FOXI2: variants seen among roughly 807,000 people sequenced by gnomAD.
The protein encoded by FOXI2 is forkhead box I2.
FOXI2 carries 17 observed loss-of-function variants against 14.3 expected under a neutral mutation model. That is an observed-to-expected ratio of 1.19 (90% confidence interval 0.81 to 1.78). FOXI2 has a LOEUF of 1.78. Among genes scored for constraint, FOXI2 ranks in the 40% most tolerant of loss-of-function variants. FOXI2 has a pLI of 0.00. For synonymous variants in FOXI2, 240 were observed against 218.8 expected (o/e 1.10, Z -0.85); for missense variants, 541 against 460.0 (o/e 1.18, Z -1.61).
chr10:127,739,064 T>C lies in FOXI2; in HGVS notation c.*99T>C. 1.8e-6 allele frequency: 2 copies of C among 1,082,050 alleles called. No homozygotes were observed. The highest frequency in any genetic ancestry group is 3.2e-5 in the South Asian group (2 of 63,338). 67.0% of individuals were successfully genotyped at this position (1,082,050 alleles called of 1,614,324 possible). On this transcript the variant is annotated 3_prime_UTR_variant, in exon 2 of 2. Transcript: ENST00000388920. ...CCCCACGTGTTGGCGTTGAAGGCCTTGGTGCCCTGGGAGGAAGCGCAGAGC... is the reference window on the plus strand; with the variant it reads ...CCCCACGTGTTGGCGTTGAAGGCCTCGGTGCCCTGGGAGGAAGCGCAGAGC...
rs1846437524 is a variant in FOXI2 at position 127,737,748 on chromosome 10, T to G, written c.475T>G (p.Cys159Gly). The G allele has an allele frequency of 6.2e-7, 1 of 1,612,694 alleles. No homozygotes were observed. The highest frequency in any genetic ancestry group is 8.5e-7 in the Non-Finnish European group (1 of 1,179,450). The change falls in exon 1 of 2, where the codon TGC (cysteine) becomes GGC (glycine). Residue 159 changes from cysteine (C) to glycine (G), a missense_variant. Transcript: ENST00000388920. Reference sequence around the variant, plus strand: ...CCGCCACAACCTGTCGCTCAACGACTGCTTCAAGAAGGTGCCCCGCGACGA... The same window carrying G: ...CCGCCACAACCTGTCGCTCAACGACGGCTTCAAGAAGGTGCCCCGCGACGA... ...SIRHNLSLND[C>G]FKKVPRDEDD...
intron 1 of FOXI2, among the ~76,000 whole-genome samples, chr10:127,737,999 G>A (rs1003216677): frequency 2.6e-5 from 4 of 152,202 alleles, no homozygotes; most frequent in African/African-American, 7.2e-5. Flanking sequence ...ACAGTGCGGC[G>A]GTCCCGGGGC....
rs1564749642 is a variant in FOXI2, at chr10:127,740,151, ACCCACAC to A, written c.*1189_*1195del. 2.7e-4 allele frequency: 29 copies of A among 107,546 alleles called. No homozygotes were observed. Among genetic ancestry groups the A allele is most frequent in the Non-Finnish European group, 5.3e-4 (28 of 53,084 alleles). The allele number at this position is 107,546 out of a possible 1,614,324, so 6.7% of individuals were successfully genotyped here. A position where few individuals can be genotyped will look rare whatever the true frequency, so the allele number is the denominator to read the frequency against. On this transcript the variant is annotated 3_prime_UTR_variant, in exon 2 of 2. Coordinates refer to ENST00000388920, the MANE Select transcript of FOXI2 (RefSeq NM_207426.3). ...CACACACACCCACACTCATACTCACACCCACACCCACACTCATACTCACACACCCACA... is the reference window on the plus strand; with the variant it reads ...CACACACACCCACACTCATACTCACACCACACTCATACTCACACACCCACA...
In FOXI2 at chr10:127,737,764, C is replaced by T. The variant is rs1308351659; in HGVS notation, c.491C>T (p.Pro164Leu). 1.4e-5 allele frequency: 23 copies of T among 1,611,866 alleles called. No individual in the cohort carries two copies. Among genetic ancestry groups the T allele is most frequent in the Non-Finnish European group, 2.0e-5 (23 of 1,179,126 alleles). Reference sequence around the variant, plus strand: ...CTCAACGACTGCTTCAAGAAGGTGCCCCGCGACGAGGACGACCCAGGTAAC... The same window carrying T: ...CTCAACGACTGCTTCAAGAAGGTGCTCCGCGACGAGGACGACCCAGGTAAC... ...LSLNDCFKKVPRDEDDPGKGN... is the reference protein window; with the variant it reads ...LSLNDCFKKVLRDEDDPGKGN... The change falls in exon 1 of 2, where the codon CCC becomes CTC. Residue 164 changes from proline to leucine, a missense_variant. By Grantham distance (98) the Pro-to-Leu change is moderately conservative. Transcript: ENST00000388920.
rs747529560 is a variant in FOXI2 at position 127,738,890 on chromosome 10, C to T, written c.882C>T (p.Ala294=). ...PQTLNPSPGF[A]PGHQTAAAGF... is the part of the protein sequence containing the mutation. ...CCCTTAACCCCTCCCCTGGCTTCGC[C>T]CCTGGCCACCAGACCGCGGCCGCCG... is the stretch of plus-strand genomic sequence containing the variant. The change falls in exon 2 of 2, where the codon GCC becomes GCT. Residue 294 remains alanine, a synonymous_variant. Transcript: ENST00000388920. 3.1e-6 allele frequency: 5 copies of T among 1,606,550 alleles called. No homozygotes were observed. The African/African-American group carries it at 5.3e-5, about 17-fold the overall frequency.
In FOXI2 at chr10:127,738,914, C is replaced by A. The variant is rs1459053133; in HGVS notation, c.906C>A (p.Ala302=). 6.2e-7 allele frequency: 1 copy of A among 1,603,106 alleles called. No individual in the cohort carries two copies. The highest frequency in any genetic ancestry group is 1.3e-5 in the African/African-American group (1 of 74,858). ...CCCCTGGCCACCAGACCGCGGCCGC[C>A]GGCTTCCGCCTCAGTCACCTCCTCT... The part of the protein sequence containing the change: ...GFAPGHQTAA[A]GFRLSHLLYS... Residue 302 remains alanine (A), a synonymous_variant, in exon 2 of 2, where the codon GCC becomes GCA. Coordinates refer to ENST00000388920, the MANE Select transcript of FOXI2 (RefSeq NM_207426.3).
Position 127,737,679 on chromosome 10 carries a change from T to C in FOXI2, c.406T>C (p.Phe136Leu). ...SQIYQYVAGN[F>L]PFYKRSKAGW... ...GATCTACCAGTACGTGGCTGGTAACTTCCCTTTCTACAAGCGCAGCAAGGC... is the reference window on the plus strand; with the variant it reads ...GATCTACCAGTACGTGGCTGGTAACCTCCCTTTCTACAAGCGCAGCAAGGC... Residue 136 changes from phenylalanine (F) to leucine (L), a missense_variant, in exon 1 of 2, where the codon TTC (phenylalanine) becomes CTC (leucine). Coordinates refer to ENST00000388920, the MANE Select transcript of FOXI2 (RefSeq NM_207426.3). The C allele has an allele frequency of 6.2e-7, 1 of 1,600,692 alleles. No homozygotes were observed. Among genetic ancestry groups the C allele is most frequent in the Non-Finnish European group, 8.5e-7 (1 of 1,173,714 alleles).
At position 127,739,141 on chromosome 10, in the gene FOXI2, G is replaced by C; in HGVS notation, c.*176G>C. 1.7e-6 allele frequency: 1 copy of C among 605,656 alleles called. No homozygotes were observed. The highest frequency in any genetic ancestry group is 2.1e-5 in the South Asian group (1 of 48,580). 37.5% of individuals were successfully genotyped at this position (605,656 alleles called of 1,614,324 possible). Reference sequence around the variant, plus strand: ...TGGGCTGAGCGGCTCTTGGGCTTTGGGGTGGGTGGCCCTTCTGCTGTGCAC... The same window carrying C: ...TGGGCTGAGCGGCTCTTGGGCTTTGCGGTGGGTGGCCCTTCTGCTGTGCAC... On this transcript the variant is annotated 3_prime_UTR_variant, in exon 2 of 2. Transcript: ENST00000388920.
rs534328434 is a variant in FOXI2 at position 127,739,120 on chromosome 10, C to CT, written c.*156dup. ...GCGGCTCGGCCAGCAGGGAGCTGGG[C>CT]TGAGCGGCTCTTGGGCTTTGGGGTG... On this transcript the variant is annotated 3_prime_UTR_variant, in exon 2 of 2. Transcript: ENST00000388920. 3.1e-4 allele frequency: 203 copies of CT among 664,012 alleles called. 1 individual carries two copies. In the African/African-American group the frequency reaches 3.4e-3, roughly 11 times the overall value. The allele number at this position is 664,012 out of a possible 1,614,324, so 41.1% of individuals were successfully genotyped here. A position where few individuals can be genotyped will look rare whatever the true frequency, so the allele number is the denominator to read the frequency against.
At chr10:127,738,420 G>A (rs1846444624) in intron 1 of FOXI2, 100 bp from the exon 2 acceptor site, 1 of 919,484 alleles carries the variant, frequency 1.1e-6, no homozygotes, top group Non-Finnish European at 1.7e-6. Flanking sequence ...CCTCTGTAAG[G>A]GCCAGCAGGG....
chr10:127,739,927 TCACACCCACA>T lies in FOXI2; in HGVS notation c.*968_*977del, dbSNP rs2134996870. ...CACACACTCACACCCACACCCACACTCACACCCACACACACTCACACCCACACACACCCAC... is the reference window on the plus strand; with the variant it reads ...CACACACTCACACCCACACCCACACTCACACTCACACCCACACACACCCAC... On this transcript the variant is annotated 3_prime_UTR_variant, in exon 2 of 2. Transcript: ENST00000388920. The T allele has an allele frequency of 2.4e-5, 1 of 42,016 alleles. No individual in the cohort carries two copies. Among genetic ancestry groups the T allele is most frequent in the African/African-American group, 1.0e-4 (1 of 10,010 alleles). The allele number at this position is 42,016 out of a possible 1,614,324, so 2.6% of individuals were successfully genotyped here.
rs144354907 is a variant in FOXI2 at position 127,739,179 on chromosome 10, C to A, written c.*214C>A. 2.6e-5 allele frequency: 14 copies of A among 538,282 alleles called. No individual in the cohort carries two copies. In the African/African-American group the frequency reaches 2.8e-4, roughly 11 times the overall value. 33.3% of individuals were successfully genotyped at this position (538,282 alleles called of 1,614,324 possible). On this transcript the variant is annotated 3_prime_UTR_variant, in exon 2 of 2. Coordinates refer to ENST00000388920, the MANE Select transcript of FOXI2 (RefSeq NM_207426.3). Reference sequence around the variant, plus strand: ...TTCTGCTGTGCACCCCTCACCCAGGCGACCTTCGGAACCTCCCTGCTCTGC... The same window carrying A: ...TTCTGCTGTGCACCCCTCACCCAGGAGACCTTCGGAACCTCCCTGCTCTGC...
In FOXI2 at chr10:127,740,707, C is replaced by T. The variant is rs1455205737; in HGVS notation, c.*1742C>T. On this transcript the variant is annotated 3_prime_UTR_variant, in exon 2 of 2. Transcript: ENST00000388920. Reference sequence around the variant, plus strand: ...CCTGATCTGCCTGCAGGGCCCCTCACTGCAGCTGCCACCAGTGCTGGAAAT... The same window carrying T: ...CCTGATCTGCCTGCAGGGCCCCTCATTGCAGCTGCCACCAGTGCTGGAAAT... 1 of 152,456 alleles carries T rather than the reference C, an allele frequency of 6.6e-6. No homozygotes were observed. The highest frequency in any genetic ancestry group is 1.5e-5 in the Non-Finnish European group (1 of 68,292). The allele number at this position is 152,456 out of a possible 1,614,324, so 9.4% of individuals were successfully genotyped here.
Position 127,740,655 on chromosome 10 carries a change from A to G in FOXI2, c.*1690A>G, listed in dbSNP as rs1307332139. The G allele has an allele frequency of 6.6e-6, 1 of 152,130 alleles. No individual in the cohort carries two copies. Among genetic ancestry groups the G allele is most frequent in the Non-Finnish European group, 1.5e-5 (1 of 68,110 alleles). 9.4% of individuals were successfully genotyped at this position (152,130 alleles called of 1,614,324 possible). ...TGGAGTGGGACAGGCTGGTTTAGCA[A>G]TCCTAAGCCCCAGCCACGCAGGTAT... On this transcript the variant is annotated 3_prime_UTR_variant, in exon 2 of 2. Coordinates refer to ENST00000388920, the MANE Select transcript of FOXI2 (RefSeq NM_207426.3).
chr10:127,739,483 A>C lies in FOXI2; in HGVS notation c.*518A>C, dbSNP rs963766936. 3 of 154,530 alleles carry C rather than the reference A, an allele frequency of 1.9e-5. No homozygotes were observed. The highest frequency in any genetic ancestry group is 1.3e-4 in the Admixed American group (2 of 15,496). The allele number at this position is 154,530 out of a possible 1,614,324, so 9.6% of individuals were successfully genotyped here. A position where few individuals can be genotyped will look rare whatever the true frequency, so the allele number is the denominator to read the frequency against. On this transcript the variant is annotated 3_prime_UTR_variant, in exon 2 of 2. Transcript: ENST00000388920. ...GGGGACAGAGCTCAGGAGCAGCTGC[A>C]GTGGGCTCCAGGTGGGCCAGGAGCC...
At chr10:127,737,829 T>A (rs1458636093) in intron 1 of FOXI2, 45 bp downstream of exon 1, 5 of 1,575,898 alleles carry the variant, frequency 3.2e-6, no homozygotes, top group Non-Finnish European at 4.3e-6. Context: ...CTCCCCATCT[T>A]CCCGCCGGGC....
Position 127,737,512 on chromosome 10 carries a change from G to A in FOXI2, c.239G>A (p.Gly80Asp), listed in dbSNP as rs1400779638. Residue 80 changes from glycine (G) to aspartate (D), a missense_variant, in exon 1 of 2, where the codon GGC (glycine) becomes GAC (aspartate). Transcript: ENST00000388920. Reference sequence around the variant, plus strand: ...GGCCCGCTCCTCGGCGCCCCGGGCGGCCTGGCGGGCGCCGACCTCGCCTGG... The same window carrying A: ...GGCCCGCTCCTCGGCGCCCCGGGCGACCTGGCGGGCGCCGACCTCGCCTGG... ...APGPLLGAPG[G>D]LAGADLAWLS... 11 of 1,414,674 alleles carry A rather than the reference G, an allele frequency of 7.8e-6. No homozygotes were observed. Among genetic ancestry groups the A allele is most frequent in the African/African-American group, 1.5e-5 (1 of 65,808 alleles). The allele number at this position is 1,414,674 out of a possible 1,614,324, so 87.6% of individuals were successfully genotyped here.
In FOXI2 at chr10:127,740,096, T is replaced by TCA. The variant is rs1554874550; in HGVS notation, c.*1135_*1136dup. The TCA allele has an allele frequency of 8.1e-4, 59 of 72,684 alleles. 1 individual carries two copies. The highest frequency in any genetic ancestry group is 1.2e-3 in the Non-Finnish European group (42 of 36,202). 4.5% of individuals were successfully genotyped at this position (72,684 alleles called of 1,614,324 possible). On this transcript the variant is annotated 3_prime_UTR_variant, in exon 2 of 2. Transcript: ENST00000388920. ...CTCACACTCACACCCACACTCACAC[T>TCA]CACACCCACACTCACACCACACTCA...
In FOXI2 at chr10:127,738,920, C is replaced by T; in HGVS notation, c.912C>T (p.Phe304=). ...GCCACCAGACCGCGGCCGCCGGCTT[C>T]CGCCTCAGTCACCTCCTCTACAGCC... ...APGHQTAAAG[F]RLSHLLYSRE... is the part of the protein sequence containing the mutation. The change falls in exon 2 of 2, where the codon TTC becomes TTT. Residue 304 remains phenylalanine, a synonymous_variant. Transcript: ENST00000388920. 6.2e-7 allele frequency: 1 copy of T among 1,603,026 alleles called. No individual in the cohort carries two copies. The highest frequency in any genetic ancestry group is 2.2e-5 in the East Asian group (1 of 44,848).
Sources: gnomAD v4.1 joint callset for allele counts (sites outside exome capture counted in the v4.1 genomes callset) on GRCh38, gnomAD v4.1.1 for gene constraint, MANE v1.5 for transcripts, NCBI Gene and HGNC (gene_info 2026-07-23, HGNC 2026-07-21) for gene names.